NNT: variants seen among roughly 807,000 people sequenced by gnomAD.
The protein encoded by NNT is NAD(P) transhydrogenase, mitochondrial.
Under a neutral mutation model 104.8 loss-of-function variants are expected in NNT, and 50 were observed. The observed-to-expected ratio is 0.48, with a 90% CI of 0.38 to 0.60. NNT has a LOEUF of 0.60. NNT is among the 20% of genes least tolerant of loss of function. The pLI, the probability that NNT is intolerant of heterozygous loss-of-function variation, is 0.00. For synonymous variants in NNT, 461 were observed against 490.4 expected (o/e 0.94, Z 0.79); for missense variants, 1,131 against 1,330.7 (o/e 0.85, Z 2.33).
At chr5:43,675,699 C>G in intron 18 of NNT, 29 bp downstream of exon 18, 1 of 1,500,280 alleles carries the variant, frequency 6.7e-7, no homozygotes, top group African/African-American at 1.4e-5. Context: ...AGCAAATAAC[C>G]TATAATAGCT....
chr5:43,675,690 G>A lies in NNT; in HGVS notation c.2794+20G>A, dbSNP rs1561314302. On this transcript the variant is annotated intron_variant, in intron 18 of 21. Coordinates refer to ENST00000344920, the MANE Select transcript of NNT (RefSeq NM_182977.3). Reference sequence around the variant, plus strand: ...CACCAGGTAAAGAAAAAAAGCAAAAGCAAATAACCTATAATAGCTGTTATA... The same window carrying A: ...CACCAGGTAAAGAAAAAAAGCAAAAACAAATAACCTATAATAGCTGTTATA... 2 of 1,564,288 alleles carry A rather than the reference G, an allele frequency of 1.3e-6. No homozygotes were observed. Among genetic ancestry groups the A allele is most frequent in the Non-Finnish European group, 8.7e-7 (1 of 1,154,788 alleles).
At chr5:43,672,953 C>G (rs545033810) in intron 17 of NNT, among the ~76,000 whole-genome samples, 1 of 152,370 alleles carries the variant, frequency 6.6e-6, no homozygotes, top group East Asian at 1.9e-4. Context: ...TTCCCAGCTG[C>G]TTTATTTACC....
At chr5:43,643,494 T>C (rs1168036918) in intron 7 of NNT, among the ~76,000 whole-genome samples, 2 of 152,200 alleles carry the variant, frequency 1.3e-5, no homozygotes. Flanking sequence ...CTTTTTTTGT[T>C]TATTTACCAC....
intron 7 of NNT, among the ~76,000 whole-genome samples, chr5:43,630,600 A>G (rs1750623776): frequency 6.6e-6 from 1 of 152,186 alleles, no homozygotes; most frequent in South Asian, 2.1e-4. Flanking sequence ...TAGTCCCTTT[A>G]CAAATCTCCT....
Position 43,655,926 on chromosome 5 carries a change from C to G in NNT, c.2146C>G (p.Leu716Val), listed in dbSNP as rs1035833387. Residue 716 changes from leucine to valine, a missense_variant, in exon 15 of 22, where the codon CTT becomes GTT. Physicochemically the swap from Leu to Val is conservative, Grantham distance 32 (BLOSUM62 1). Coordinates refer to ENST00000344920, the MANE Select transcript of NNT (RefSeq NM_182977.3). ...CAGTTTAGTGGGTTTGGCAGCTGTACTTACTTGCATAGCTGAGTACATTAT... is the reference window on the plus strand; with the variant it reads ...CAGTTTAGTGGGTTTGGCAGCTGTAGTTACTTGCATAGCTGAGTACATTAT... ...FHSLVGLAAV[L>V]TCIAEYIIEY... 3.1e-6 allele frequency: 5 copies of G among 1,614,180 alleles called. No homozygotes were observed. Among genetic ancestry groups the G allele is most frequent in the Middle Eastern group, 1.6e-4 (1 of 6,062 alleles).
At chr5:43,646,547 C>G (rs976899043) in intron 10 of NNT, among the ~76,000 whole-genome samples, 8 of 152,040 alleles carry the variant, frequency 5.3e-5, no homozygotes, top group South Asian at 2.1e-4. Context: ...GATCCTCCTG[C>G]CTTGGCCTCC....
chr5:43,671,737 T>G (rs1741104310), intron 17 of NNT, among the ~76,000 whole-genome samples: 1 of 152,148 alleles, frequency 6.6e-6, no homozygotes. Context: ...CATTTCAACT[T>G]TGGTGAATGT....
At chr5:43,620,169 G>A (rs1224979483) in intron 5 of NNT, among the ~76,000 whole-genome samples, 1 of 152,166 alleles carries the variant, frequency 6.6e-6, no homozygotes, top group African/African-American at 2.4e-5. Context: ...CAGGAAACCT[G>A]ACTTTAAATG....
At chr5:43,628,496 T>A in intron 7 of NNT, 109 bp downstream of exon 7, 1 of 737,796 alleles carries the variant, frequency 1.4e-6, no homozygotes, top group Non-Finnish European at 2.0e-6. Context: ...AGGAAGGATC[T>A]AGTACTTTCT....
chr5:43,675,027 C>A (rs1378424125), intron 17 of NNT, among the ~76,000 whole-genome samples: 1 of 152,114 alleles, frequency 6.6e-6, no homozygotes, highest in Non-Finnish European at 1.5e-5. Context: ...TATCAACCCC[C>A]ATATTTCTAT....
chr5:43,662,754 A>G (rs1008384538), intron 17 of NNT, among the ~76,000 whole-genome samples: 16 of 152,142 alleles, frequency 1.1e-4, no homozygotes, highest in Non-Finnish European at 1.3e-4. Flanking sequence ...TTAGCTGGGC[A>G]TGGTGGCACA....
At chr5:43,677,398 A>G (rs566783285) in intron 18 of NNT, among the ~76,000 whole-genome samples, 23 of 147,042 alleles carry the variant, frequency 1.6e-4, no homozygotes, top group Non-Finnish European at 3.0e-4. Flanking sequence ...GTTTAAAAAC[A>G]TGAGAGAGAG....
chr5:43,615,851 C>G lies in NNT; in HGVS notation c.385C>G (p.Arg129Gly), dbSNP rs886039789. 2 of 1,603,544 alleles carry G rather than the reference C, an allele frequency of 1.2e-6. No individual in the cohort carries two copies. The highest frequency in any genetic ancestry group is 1.7e-6 in the Non-Finnish European group (2 of 1,175,304). Residue 129 changes from arginine (R) to glycine (G), a missense_variant, in exon 4 of 22, where the codon CGA (arginine) becomes GGA (glycine). Coordinates refer to ENST00000344920, the MANE Select transcript of NNT (RefSeq NM_182977.3). ...TGTGACTTGATTTTTTCCCCAGGTG[C>G]GAGCCCCTATGGTTAATCCAACATT... ...VLASDLVVKV[R>G]APMVNPTLGV...
intron 17 of NNT, among the ~76,000 whole-genome samples, chr5:43,660,927 C>G (rs1740322163): frequency 6.6e-6 from 1 of 152,090 alleles, no homozygotes; most frequent in Non-Finnish European, 1.5e-5. Context: ...CTTACTCTAC[C>G]TTCATTCTTT....
intron 3 of NNT, among the ~76,000 whole-genome samples, chr5:43,614,143 C>G (rs1012840003): frequency 1.3e-5 from 2 of 152,128 alleles, no homozygotes; most frequent in Admixed American, 1.3e-4. Flanking sequence ...CATATATATT[C>G]TAGGGATCAT....
intron 4 of NNT, 64 bp downstream of exon 4, chr5:43,616,129 A>G: frequency 7.9e-7 from 1 of 1,270,392 alleles, no homozygotes. Context: ...TTCACACTGT[A>G]GCTCTTCTGT....
intron 1 of NNT, among the ~76,000 whole-genome samples, chr5:43,606,987 GTTTTTTTGTTT>G (rs1394287068): frequency 8.8e-6 from 1 of 114,202 alleles, no homozygotes; most frequent in Non-Finnish European, 1.9e-5. Flanking sequence ...TTTGTTTTTT[GTTTTTTTGTTT>G]TTTTTTTGAG....
Position 43,686,741 on chromosome 5 carries a change from A to G in NNT, c.2876+8935A>G, listed in dbSNP as rs1283833600. On this transcript the variant is annotated intron_variant, in intron 19 of 21. Transcript: ENST00000344920. ...AACAGGATAATTGCTGTGTACATTT[A>G]TTGAACAATTGTGTCTGCCAGGTGT... Among the ~76,000 whole-genome samples, 3 of 152,156 alleles carry G rather than the reference A, an allele frequency of 2.0e-5. No individual in the cohort carries two copies. The East Asian group carries it at 5.8e-4, about 29-fold the overall frequency.
intron 19 of NNT, among the ~76,000 whole-genome samples, chr5:43,681,824 G>A (rs954249882): frequency 9.9e-5 from 15 of 152,196 alleles, no homozygotes; most frequent in Non-Finnish European, 1.6e-4. Context: ...GGATGCGTAA[G>A]TCCAGTCCTC....
Sources: allele counts gnomAD v4.1 joint callset (sites outside exome capture counted in the v4.1 genomes callset), GRCh38; gene constraint gnomAD v4.1.1; transcripts MANE v1.5; gene names NCBI Gene and HGNC (gene_info 2026-07-23, HGNC 2026-07-21).